The following NFIB variants were observed in gnomAD, a reference collection of about 807,000 sequenced individuals.
The protein encoded by NFIB is nuclear factor 1 B-type.
A neutral mutation model predicts 61.5 loss-of-function variants in NFIB; 11 were observed. That is an observed-to-expected ratio of 0.18 (90% CI 0.11 to 0.30). NFIB has a LOEUF of 0.30. NFIB is among the 10% of genes least tolerant of loss of function. NFIB has a pLI of 1.00. For missense variants in NFIB, 471 were observed against 608.9 expected (o/e 0.77, Z 2.38); for synonymous variants, 260 against 216.5 (o/e 1.20, Z -1.76).
intron 2 of NFIB, among the ~76,000 whole-genome samples, chr9:14,269,809 C>T (rs574170033): frequency 2.0e-5 from 3 of 152,142 alleles, no homozygotes; most frequent in South Asian, 4.2e-4. Context: ...CTTATGCTAA[C>T]AAAATCGCAG....
At chr9:14,426,203 G>T in the NFIB span, among the ~76,000 whole-genome samples, 1 of 151,850 alleles carries the variant, frequency 6.6e-6, no homozygotes, top group South Asian at 2.1e-4. Context: ...AAATCAGAGC[G>T]CTCTGTTCAT....
At chr9:14,335,659 G>T (rs1423831623) in intron 1 of NFIB, among the ~76,000 whole-genome samples, 1 of 152,128 alleles carries the variant, frequency 6.6e-6, no homozygotes, top group Non-Finnish European at 1.5e-5. Flanking sequence ...CTTCTAACAG[G>T]TTCTTTAGAA....
the NFIB span, among the ~76,000 whole-genome samples, chr9:14,517,297 T>C: frequency 6.6e-6 from 1 of 152,340 alleles, no homozygotes; most frequent in Admixed American, 6.5e-5. Flanking sequence ...AATGTGTTTG[T>C]CTTCTCTCCT....
chr9:14,159,913 T>C (rs1350672263), intron 3 of NFIB, among the ~76,000 whole-genome samples: 2 of 152,206 alleles, frequency 1.3e-5, no homozygotes, highest in Admixed American at 6.5e-5. Flanking sequence ...TAAATCTAAA[T>C]AGCTAATACA....
At chr9:14,195,523 T>C (rs1473671314) in intron 2 of NFIB, among the ~76,000 whole-genome samples, 1 of 152,246 alleles carries the variant, frequency 6.6e-6, no homozygotes, top group African/African-American at 2.4e-5. Context: ...AAAGCACATA[T>C]GAGACGACTT....
chr9:14,434,557 A>G, the NFIB span, among the ~76,000 whole-genome samples: 12 of 152,156 alleles, frequency 7.9e-5, no homozygotes, highest in Admixed American at 6.5e-4. Flanking sequence ...TGACTGAGGA[A>G]AGGATCCCTT....
chr9:14,378,904 C>G (rs953300147), intron 1 of NFIB, among the ~76,000 whole-genome samples: 1 of 152,100 alleles, frequency 6.6e-6, no homozygotes, highest in African/African-American at 2.4e-5. Flanking sequence ...TTGATTTGAC[C>G]TTGGTTTTGA....
intron 2 of NFIB, among the ~76,000 whole-genome samples, chr9:14,206,476 C>G (rs1351916469): frequency 2.0e-5 from 3 of 152,040 alleles, no homozygotes; most frequent in Admixed American, 2.0e-4. Flanking sequence ...CCCTTACTAA[C>G]ACTCTTAAAA....
chr9:14,128,909 T>C (rs1039073412), intron 6 of NFIB, among the ~76,000 whole-genome samples: 1 of 152,200 alleles, frequency 6.6e-6, no homozygotes, highest in Non-Finnish European at 1.5e-5. Context: ...AAGATGATTA[T>C]GTAATTTTTA....
intron 2 of NFIB, among the ~76,000 whole-genome samples, chr9:14,271,523 G>A (rs1330724086): frequency 6.6e-6 from 1 of 152,122 alleles, no homozygotes; most frequent in African/African-American, 2.4e-5. Context: ...TTTGTCACAT[G>A]TAGGAATAAA....
chr9:14,468,625 C>T, the NFIB span, among the ~76,000 whole-genome samples: 21 of 152,248 alleles, frequency 1.4e-4, no homozygotes, highest in African/African-American at 4.1e-4. Context: ...GTCTGGAACA[C>T]GAGATGATAT....
At chr9:14,502,324 T>G in the NFIB span, among the ~76,000 whole-genome samples, 3 of 152,228 alleles carry the variant, frequency 2.0e-5, no homozygotes, top group African/African-American at 7.2e-5. Context: ...AAGTTTAGAC[T>G]TCTAGAACTG....
intron 2 of NFIB, among the ~76,000 whole-genome samples, chr9:14,197,117 A>G (rs2048554077): frequency 6.6e-6 from 1 of 152,240 alleles, no homozygotes; most frequent in Admixed American, 6.5e-5. Flanking sequence ...TTACTTTGCA[A>G]TCCCGAAATA....
chr9:14,501,130 G>T, the NFIB span, among the ~76,000 whole-genome samples: 709 of 152,288 alleles, frequency 4.7e-3, no homozygotes, highest in Non-Finnish European at 8.3e-3. Context: ...ATTTTGATGA[G>T]TGGTGAGTGG....
the NFIB span, among the ~76,000 whole-genome samples, chr9:14,426,293 C>T: frequency 1.3e-5 from 2 of 152,316 alleles, no homozygotes; most frequent in Non-Finnish European, 2.9e-5. Context: ...ACTGTGAGCT[C>T]TACAGGCCAG....
At chr9:14,280,911 A>G (rs1401613140) in intron 2 of NFIB, among the ~76,000 whole-genome samples, 1 of 152,122 alleles carries the variant, frequency 6.6e-6, no homozygotes, top group Admixed American at 6.5e-5. Context: ...AAAAAATAAG[A>G]CTTTCTTATA....
the NFIB span, among the ~76,000 whole-genome samples, chr9:14,408,482 A>G: frequency 1.3e-5 from 2 of 152,298 alleles, no homozygotes; most frequent in South Asian, 2.1e-4. Flanking sequence ...AGTTTCAGAG[A>G]CCACAATGGA....
chr9:14,211,192 T>C (rs897526338), intron 2 of NFIB, among the ~76,000 whole-genome samples: 1 of 152,222 alleles, frequency 6.6e-6, no homozygotes, highest in Non-Finnish European at 1.5e-5. Context: ...TACAATATTG[T>C]ATTCAAAAAT....
intron 2 of NFIB, among the ~76,000 whole-genome samples, chr9:14,239,545 CAGAA>C (rs1563934241): frequency 6.6e-6 from 1 of 151,866 alleles, no homozygotes; most frequent in African/African-American, 2.4e-5. Context: ...TGAAGGAAAA[CAGAA>C]AGAGAAAAGA....
Sources: gnomAD v4.1 joint callset for allele counts (sites outside exome capture counted in the v4.1 genomes callset) on GRCh38, gnomAD v4.1.1 for gene constraint, MANE v1.5 for transcripts, NCBI Gene and HGNC (gene_info 2026-07-23, HGNC 2026-07-21) for gene names.